The following IGSF10 variants were observed in gnomAD, a reference collection of about 807,000 sequenced individuals.
IGSF10 encodes the protein calvaria mechanical force protein 608.
IGSF10 carries 126 observed loss-of-function variants against 128.2 expected under a neutral mutation model. The ratio of observed to expected loss-of-function variants is 0.98; its 90% CI spans 0.85 to 1.14. The LOEUF is 1.14. Among genes scored for constraint, IGSF10 ranks in the 50% most tolerant of loss-of-function variants. IGSF10 has a pLI of 0.00. For synonymous variants in IGSF10, 1,185 were observed against 1,146.2 expected (o/e 1.03, Z -0.68); for missense variants, 3,295 against 3,149.8 (o/e 1.05, Z -1.10).
At chr3:151,459,737 C>T (rs1184219308) in intron 2 of IGSF10, among the ~76,000 whole-genome samples, 1 of 152,162 alleles carries the variant, frequency 6.6e-6, no homozygotes, top group African/African-American at 2.4e-5. Flanking sequence ...TAATTCTCTC[C>T]TGAAATGCAG....
rs751405477 is a variant in IGSF10, at chr3:151,445,075, G to A, written c.4906C>T (p.Pro1636Ser). The A allele has an allele frequency of 2.3e-5, 37 of 1,614,080 alleles. 1 individual carries two copies. The highest frequency in any genetic ancestry group is 7.7e-5 in the South Asian group (7 of 91,072). The change falls in exon 6 of 8, where the codon CCC becomes TCC. Residue 1636 changes from proline to serine, a missense_variant. Physicochemically the swap from Pro to Ser is moderately conservative, Grantham distance 74. Transcript: ENST00000282466. ...ATATACCTAGACAAAGAGTCAAAGGGAAGGAGTTTGGAAGTTGTTGCTTCT... is the reference window on the plus strand; with the variant it reads ...ATATACCTAGACAAAGAGTCAAAGGAAAGGAGTTTGGAAGTTGTTGCTTCT... ...VQEATTSKLL[P>S]FDSLSRYIFE...
the IGSF10 span, among the ~76,000 whole-genome samples, chr3:151,569,136 A>G: frequency 6.6e-6 from 1 of 152,150 alleles, no homozygotes; most frequent in Non-Finnish European, 1.5e-5. Flanking sequence ...CAGTGGCAAG[A>G]TCTTGACTCA....
chr3:151,534,801 ATG>A, the IGSF10 span, among the ~76,000 whole-genome samples: 2,275 of 149,122 alleles, frequency 0.015, 61 homozygotes, highest in African/African-American at 0.054. Flanking sequence ...TTTAAAGTGT[ATG>A]TGTGTGTGTG....
At chr3:151,474,117 T>G in the IGSF10 span, among the ~76,000 whole-genome samples, 1 of 152,182 alleles carries the variant, frequency 6.6e-6, no homozygotes, top group Admixed American at 6.5e-5. Flanking sequence ...CTCTGAAAAG[T>G]AGATGACAAC....
chr3:151,567,026 T>C, the IGSF10 span, among the ~76,000 whole-genome samples: 1 of 152,212 alleles, frequency 6.6e-6, no homozygotes, highest in Non-Finnish European at 1.5e-5. Context: ...GGCTAGCCTG[T>C]AGGCAAATGT....
chr3:151,536,972 G>A, the IGSF10 span, among the ~76,000 whole-genome samples: 1 of 152,178 alleles, frequency 6.6e-6, no homozygotes, highest in African/African-American at 2.4e-5. Flanking sequence ...TTTTAAAACA[G>A]CAGGCCCAAT....
chr3:151,564,515 C>A, the IGSF10 span, among the ~76,000 whole-genome samples: 1 of 151,916 alleles, frequency 6.6e-6, no homozygotes, highest in African/African-American at 2.4e-5. Flanking sequence ...GTCTAAATTT[C>A]TGGCTTCTTT....
the IGSF10 span, among the ~76,000 whole-genome samples, chr3:151,557,141 GA>G: frequency 6.6e-6 from 1 of 152,092 alleles, no homozygotes; most frequent in Non-Finnish European, 1.5e-5. Flanking sequence ...AGGTTAACAG[GA>G]AAAAAGCTAT....
chr3:151,462,989 T>C (rs970390897), upstream of IGSF10, among the ~76,000 whole-genome samples: 1 of 152,212 alleles, frequency 6.6e-6, no homozygotes, highest in Non-Finnish European at 1.5e-5. Flanking sequence ...CTTTAGTCAA[T>C]TTCTAACCCA....
chr3:151,508,708 C>G, the IGSF10 span, among the ~76,000 whole-genome samples: 699 of 152,236 alleles, frequency 4.6e-3, 5 homozygotes, highest in African/African-American at 0.016. Context: ...TGACCTCTAA[C>G]TTTGGGATGC....
chr3:151,617,224 CCT>C, the IGSF10 span, among the ~76,000 whole-genome samples: 1 of 130,722 alleles, frequency 7.6e-6, no homozygotes, highest in Admixed American at 7.7e-5. Context: ...TCTTCTTCCC[CCT>C]CTTCTTCTTC....
chr3:151,508,064 A>T, the IGSF10 span, among the ~76,000 whole-genome samples: 1 of 152,178 alleles, frequency 6.6e-6, no homozygotes, highest in Non-Finnish European at 1.5e-5. Context: ...TTCACTAGGA[A>T]TTTGGCTACT....
chr3:151,513,030 G>A, the IGSF10 span, among the ~76,000 whole-genome samples: 1 of 152,142 alleles, frequency 6.6e-6, no homozygotes, highest in African/African-American at 2.4e-5. Context: ...AATTCTACCA[G>A]AGGTACAAGG....
rs1205735435 is a variant in IGSF10, at chr3:151,453,926, T to G, written c.325-152A>C. On this transcript the variant is annotated intron_variant, in intron 4 of 7. Transcript: ENST00000282466. ...CAATTCAATCAAATTCATTGCAAATTAAATATGACAATATCAGAAAAATTA... is the reference window on the plus strand; with the variant it reads ...CAATTCAATCAAATTCATTGCAAATGAAATATGACAATATCAGAAAAATTA... 5.7e-6 allele frequency: 3 copies of G among 523,560 alleles called. No individual in the cohort carries two copies. The African/African-American group carries it at 5.8e-5, about 10-fold the overall frequency. 32.4% of individuals were successfully genotyped at this position (523,560 alleles called of 1,614,324 possible). A position where few individuals can be genotyped will look rare whatever the true frequency, so the allele number is the denominator to read the frequency against.
chr3:151,549,451 C>T, the IGSF10 span, among the ~76,000 whole-genome samples: 1 of 152,156 alleles, frequency 6.6e-6, no homozygotes, highest in African/African-American at 2.4e-5. Flanking sequence ...CAGTTTTTGT[C>T]CTATCTTCTT....
chr3:151,528,137 T>A, the IGSF10 span, among the ~76,000 whole-genome samples: 15 of 152,220 alleles, frequency 9.9e-5, no homozygotes, highest in Admixed American at 4.6e-4. Flanking sequence ...GCTCTTTAGA[T>A]AGGACCTGGC....
upstream of IGSF10, among the ~76,000 whole-genome samples, chr3:151,463,277 T>G (rs1455677905): frequency 3.3e-5 from 5 of 152,186 alleles, no homozygotes. Flanking sequence ...TCTAGTTCCA[T>G]TTGCTCCACT....
chr3:151,513,477 A>G, the IGSF10 span, among the ~76,000 whole-genome samples: 2 of 152,224 alleles, frequency 1.3e-5, no homozygotes, highest in African/African-American at 2.4e-5. Context: ...TTTCAAAATA[A>G]TAAGAGCTAT....
the IGSF10 span, among the ~76,000 whole-genome samples, chr3:151,583,421 AT>A: frequency 6.6e-6 from 1 of 152,202 alleles, no homozygotes; most frequent in African/African-American, 2.4e-5. Flanking sequence ...TTTAGTACAC[AT>A]TTTTATTAAC....
Sources: allele counts gnomAD v4.1 joint callset (sites outside exome capture counted in the v4.1 genomes callset), GRCh38; gene constraint gnomAD v4.1.1; transcripts MANE v1.5; gene names NCBI Gene and HGNC (gene_info 2026-07-23, HGNC 2026-07-21).